KCNH1: variants seen among roughly 807,000 people sequenced by gnomAD.
KCNH1 encodes the protein voltage-gated delayed rectifier potassium channel KCNH1.
In KCNH1, 27 loss-of-function variants were observed where a neutral mutation model predicts 69.2. The ratio of observed to expected loss-of-function variants is 0.39; its 90% CI spans 0.29 to 0.54. KCNH1 has a LOEUF of 0.54. KCNH1 is among the 20% of genes least tolerant of loss of function. KCNH1 has a pLI of 0.68. For synonymous variants in KCNH1, 456 were observed against 487.7 expected, an observed-to-expected ratio of 0.93 and a Z score of 0.86; for missense variants, 798 against 1,261.6, an observed-to-expected ratio of 0.63 and a Z score of 5.57.
intron 5 of KCNH1, among the ~76,000 whole-genome samples, chr1:211,031,863 C>T (rs1399578666): frequency 1.3e-5 from 2 of 152,076 alleles, no homozygotes; most frequent in African/African-American, 2.4e-5. Context: ...GACAGGGATG[C>T]CCTCTCTCAC....
intron 6 of KCNH1, among the ~76,000 whole-genome samples, chr1:210,999,059 C>A (rs1297570691): frequency 6.6e-6 from 1 of 152,142 alleles, no homozygotes; most frequent in African/African-American, 2.4e-5. Flanking sequence ...CAAGAGAAAG[C>A]AGGAAAGATC....
At chr1:210,837,705 T>A (rs1171947333) in intron 7 of KCNH1, among the ~76,000 whole-genome samples, 1 of 152,102 alleles carries the variant, frequency 6.6e-6, no homozygotes, top group Non-Finnish European at 1.5e-5. Context: ...CAATCCTTCA[T>A]CTAGGCAATT....
In KCNH1 at chr1:210,867,377, A is replaced by ATG. The variant is rs1352876851; in HGVS notation, c.1462+52261_1462+52262dup. On this transcript the variant is annotated intron_variant, in intron 7 of 10. Transcript: ENST00000271751. ...CACACACACACATATATATATATATATGTGTCCAAAGCAAATTCATATTAA... is the reference window on the plus strand; with the variant it reads ...CACACACACACATATATATATATATATGTGTGTCCAAAGCAAATTCATATTAA... Among the ~76,000 whole-genome samples the ATG allele has an allele frequency of 2.4e-3, 366 of 150,176 alleles. 2 individuals carry two copies. The highest frequency in any genetic ancestry group is 8.5e-3 in the African/African-American group (345 of 40,822).
At chr1:210,870,425 TG>T (rs1364642128) in intron 7 of KCNH1, among the ~76,000 whole-genome samples, 2 of 152,132 alleles carry the variant, frequency 1.3e-5, no homozygotes, top group Non-Finnish European at 2.9e-5. Flanking sequence ...GCACAAGAAT[TG>T]AAAAAAGCAC....
intron 10 of KCNH1, among the ~76,000 whole-genome samples, chr1:210,760,253 G>A (rs1239941781): frequency 1.3e-5 from 2 of 152,092 alleles, no homozygotes; most frequent in African/African-American, 4.8e-5. Context: ...AAGGCAGCTA[G>A]ATAAAAAGGA....
At chr1:210,788,668 C>CATATT (rs1467854895) in intron 9 of KCNH1, among the ~76,000 whole-genome samples, 2 of 136,420 alleles carry the variant, frequency 1.5e-5, no homozygotes, top group Non-Finnish European at 3.1e-5. Context: ...CTAGATTATT[C>CATATT]ATATTATAGC....
chr1:210,690,073 G>T (rs551395693), intron 10 of KCNH1, among the ~76,000 whole-genome samples: 53 of 152,302 alleles, frequency 3.5e-4, no homozygotes, highest in African/African-American at 1.3e-3. Context: ...GCCCTCCTAG[G>T]TGCTGCCTGG....
intron 6 of KCNH1, among the ~76,000 whole-genome samples, chr1:210,984,230 T>C (rs937085118): frequency 6.6e-6 from 1 of 152,208 alleles, no homozygotes; most frequent in African/African-American, 2.4e-5. Context: ...CAGCGACAAT[T>C]TGACTTCCTC....
intron 10 of KCNH1, among the ~76,000 whole-genome samples, chr1:210,775,041 C>T (rs1114880): frequency 0.61 from 92,816 of 151,822 alleles, 28,867 homozygotes; most frequent in African/African-American, 0.66. Context: ...CCTCACATTT[C>T]ACTCATCTTT....
chr1:210,917,464 A>G (rs1687371980), intron 7 of KCNH1, among the ~76,000 whole-genome samples: 2 of 151,896 alleles, frequency 1.3e-5, no homozygotes, highest in Non-Finnish European at 2.9e-5. Flanking sequence ...TCCATAGACG[A>G]CTCATTTTGG....
chr1:210,788,938 C>G (rs535349623), intron 9 of KCNH1, among the ~76,000 whole-genome samples: 1 of 148,670 alleles, frequency 6.7e-6, no homozygotes, highest in Non-Finnish European at 1.5e-5. Context: ...CCTCGTGATC[C>G]GCCCGCCTCG....
chr1:210,970,566 T>C (rs1463635592), intron 6 of KCNH1, among the ~76,000 whole-genome samples: 1 of 152,176 alleles, frequency 6.6e-6, no homozygotes, highest in African/African-American at 2.4e-5. Context: ...TAAATTGTGC[T>C]GGGAAAACTG....
intron 1 of KCNH1, among the ~76,000 whole-genome samples, chr1:211,112,822 A>T (rs1691499305): frequency 6.6e-6 from 1 of 152,146 alleles, no homozygotes; most frequent in South Asian, 2.1e-4. Flanking sequence ...AACAGTATAG[A>T]AATTCTTCCC....
intron 7 of KCNH1, among the ~76,000 whole-genome samples, chr1:210,832,928 A>ATATATATATATATAT (rs1269090752): frequency 2.7e-5 from 4 of 149,066 alleles, no homozygotes; most frequent in African/African-American, 4.9e-5. Flanking sequence ...ATATACATAT[A>ATATATATATATATAT]AATTGAATTT....
intron 10 of KCNH1, among the ~76,000 whole-genome samples, chr1:210,764,778 A>G (rs1464211918): frequency 2.0e-5 from 3 of 152,376 alleles, no homozygotes; most frequent in East Asian, 3.9e-4. Context: ...CAATTAGTTT[A>G]GCCCCTGTGG....
intron 10 of KCNH1, among the ~76,000 whole-genome samples, chr1:210,773,626 T>G (rs1366163491): frequency 6.6e-6 from 1 of 151,360 alleles, no homozygotes; most frequent in Non-Finnish European, 1.5e-5. Flanking sequence ...CAGTAGATCA[T>G]TGGCCCCTTC....
chr1:210,951,207 T>C (rs755944209), intron 6 of KCNH1, among the ~76,000 whole-genome samples: 6 of 152,084 alleles, frequency 3.9e-5, no homozygotes, highest in Non-Finnish European at 8.8e-5. Flanking sequence ...GAAACTCCAC[T>C]AGGGGCAGAC....
intron 6 of KCNH1, among the ~76,000 whole-genome samples, chr1:210,936,386 GCCA>G (rs1558532372): frequency 1.9e-4 from 29 of 152,194 alleles, no homozygotes; most frequent in African/African-American, 6.7e-4. Context: ...CTGGCTTTCC[GCCA>G]GCACCCTGCT....
At chr1:210,922,414 A>C (rs1242921908) in intron 6 of KCNH1, among the ~76,000 whole-genome samples, 23 of 146,242 alleles carry the variant, frequency 1.6e-4, no homozygotes, top group African/African-American at 5.8e-4. Flanking sequence ...AAAAAAAAAA[A>C]AAAAAAACCT....
Sources: allele counts gnomAD v4.1 joint callset (sites outside exome capture counted in the v4.1 genomes callset), GRCh38; gene constraint gnomAD v4.1.1; transcripts MANE v1.5; gene names NCBI Gene and HGNC (gene_info 2026-07-23, HGNC 2026-07-21).